Variants in FARS2 observed in about 807,000 individuals in gnomAD.
FARS2 encodes phenylalanyl-tRNA synthetase 2, mitochondrial.
Under a neutral mutation model 46.4 loss-of-function variants are expected in FARS2, and 40 were observed. The ratio of observed to expected loss-of-function variants is 0.86; its 90% confidence interval spans 0.67 to 1.12. The LOEUF (loss-of-function observed/expected upper bound fraction) is 1.12, where lower values mean the gene tolerates loss of function less well. Ranked by LOEUF, FARS2 falls within the 50% of genes most tolerant of loss-of-function variation. FARS2 has a pLI of 0.00. For missense variants in FARS2, 513 were observed against 567.9 expected (o/e 0.90, Z 0.98); for synonymous variants, 234 against 214.9 (o/e 1.09, Z -0.78).
chr6:5,386,622 A>G (rs1204094536), intron 2 of FARS2, among the ~76,000 whole-genome samples: 3 of 152,192 alleles, frequency 2.0e-5, no homozygotes, highest in East Asian at 3.8e-4. Flanking sequence ...AAGGATGTAA[A>G]AGAGGTGGAA....
intron 2 of FARS2, among the ~76,000 whole-genome samples, chr6:5,381,404 C>T (rs112112512): frequency 1.6e-3 from 129 of 81,938 alleles, no homozygotes; most frequent in African/African-American, 6.8e-3. Context: ...CACACACACA[C>T]ATACACACAC....
intron 4 of FARS2, among the ~76,000 whole-genome samples, chr6:5,467,753 AGTAAAATAAAT>A (rs1369600613): frequency 2.6e-5 from 4 of 152,200 alleles, no homozygotes; most frequent in Non-Finnish European, 4.4e-5. Context: ...GTTTCCTATC[AGTAAAATAAAT>A]GTGGTCAGAC....
chr6:5,737,659 G>A (rs1054727415), intron 6 of FARS2, among the ~76,000 whole-genome samples: 1 of 152,214 alleles, frequency 6.6e-6, no homozygotes, highest in African/African-American at 2.4e-5. Context: ...CAGCCTAGAG[G>A]TGGTCATGTG....
intron 5 of FARS2, among the ~76,000 whole-genome samples, chr6:5,595,170 TTTC>T (rs1774127965): frequency 6.6e-6 from 1 of 152,214 alleles, no homozygotes; most frequent in Admixed American, 6.5e-5. Flanking sequence ...CCCTGCACTT[TTTC>T]TTCTTGTTTC....
intron 3 of FARS2, among the ~76,000 whole-genome samples, chr6:5,410,550 T>C (rs1040137247): frequency 2.0e-5 from 3 of 152,152 alleles, no homozygotes; most frequent in Non-Finnish European, 4.4e-5. Context: ...TTAAGTAATT[T>C]TGCTAGCTTC....
chr6:5,368,519 G>T lies in FARS2; in HGVS notation c.-21-31G>T. The T allele has an allele frequency of 1.9e-6, 3 of 1,553,106 alleles. 1 individual carries two copies. Among genetic ancestry groups the T allele is most frequent in the East Asian group, 4.5e-5 (2 of 44,318 alleles). ...ACTTGCTTTCCACAGAGTGACACCTGACTTGTGCTTTGCCTGTGTGCTCTT... is the reference window on the plus strand; with the variant it reads ...ACTTGCTTTCCACAGAGTGACACCTTACTTGTGCTTTGCCTGTGTGCTCTT... On this transcript the variant is annotated intron_variant, in intron 1 of 6. Transcript: ENST00000274680.
At chr6:5,342,271 A>G (rs1771709616) in intron 1 of FARS2, among the ~76,000 whole-genome samples, 1 of 152,250 alleles carries the variant, frequency 6.6e-6, no homozygotes, top group South Asian at 2.1e-4. Flanking sequence ...ACTTCATTAC[A>G]GTCAAGCACA....
chr6:5,749,226 A>G (rs1343924237), intron 6 of FARS2, among the ~76,000 whole-genome samples: 1 of 152,228 alleles, frequency 6.6e-6, no homozygotes, highest in Non-Finnish European at 1.5e-5. Context: ...GAACACGCCA[A>G]AGGGCTGTGG....
At chr6:5,432,226 G>T (rs1219152813) in intron 4 of FARS2, among the ~76,000 whole-genome samples, 1 of 145,786 alleles carries the variant, frequency 6.9e-6, no homozygotes, top group Non-Finnish European at 1.5e-5. Flanking sequence ...TGAGGCAGGA[G>T]AATCACTTGA....
chr6:5,266,724 A>T (rs1214283348), intron 1 of FARS2, among the ~76,000 whole-genome samples: 1 of 152,178 alleles, frequency 6.6e-6, no homozygotes, highest in Admixed American at 6.5e-5. Context: ...ATTTTAATTT[A>T]GTTGGATTCT....
chr6:5,638,579 A>T (rs1005025709), intron 6 of FARS2, among the ~76,000 whole-genome samples: 2 of 152,170 alleles, frequency 1.3e-5, no homozygotes, highest in Non-Finnish European at 2.9e-5. Context: ...AACAAAAAAG[A>T]AAAAACAAAA....
chr6:5,737,765 C>T (rs74386850), intron 6 of FARS2, among the ~76,000 whole-genome samples: 2 of 100,396 alleles, frequency 2.0e-5, no homozygotes, highest in African/African-American at 8.6e-5. Flanking sequence ...TTACCATGTA[C>T]CCTTCTTCCG....
chr6:5,422,108 G>A (rs1317912089), intron 3 of FARS2, among the ~76,000 whole-genome samples: 1 of 152,176 alleles, frequency 6.6e-6, no homozygotes, highest in Non-Finnish European at 1.5e-5. Context: ...GGCAGAAGGT[G>A]AAAGGCCCAT....
chr6:5,405,847 G>A (rs955871523), intron 3 of FARS2, among the ~76,000 whole-genome samples: 3 of 152,012 alleles, frequency 2.0e-5, no homozygotes, highest in Non-Finnish European at 2.9e-5. Flanking sequence ...TTTACGTATT[G>A]CCATACTGAT....
intron 2 of FARS2, among the ~76,000 whole-genome samples, chr6:5,399,415 A>C (rs1418606518): frequency 6.6e-6 from 1 of 152,014 alleles, no homozygotes; most frequent in South Asian, 2.1e-4. Flanking sequence ...ACCTCAAGTG[A>C]TCCTCCTGCC....
At chr6:5,318,901 C>G (rs971953022) in intron 1 of FARS2, among the ~76,000 whole-genome samples, 1 of 152,080 alleles carries the variant, frequency 6.6e-6, no homozygotes, top group African/African-American at 2.4e-5. Context: ...GGAAGTAGCC[C>G]CTGATATCCA....
At chr6:5,411,281 T>TAAAAC (rs146746037) in intron 3 of FARS2, among the ~76,000 whole-genome samples, 12,083 of 151,862 alleles carry the variant, frequency 0.08, 546 homozygotes, top group African/African-American at 0.11. Flanking sequence ...CCTGTCTCTT[T>TAAAAC]AAAACAAAAC....
chr6:5,568,141 T>C (rs1176588903), intron 5 of FARS2, among the ~76,000 whole-genome samples: 1 of 152,184 alleles, frequency 6.6e-6, no homozygotes, highest in Non-Finnish European at 1.5e-5. Context: ...CCCCTTTCTG[T>C]CTGTGTCTCT....
chr6:5,494,832 A>G (rs1390262370), intron 4 of FARS2, among the ~76,000 whole-genome samples: 1 of 152,204 alleles, frequency 6.6e-6, no homozygotes, highest in Non-Finnish European at 1.5e-5. Context: ...AGCTAGTTCA[A>G]GGTGTCCTAA....
Sources: allele counts gnomAD v4.1 joint callset (sites outside exome capture counted in the v4.1 genomes callset), GRCh38; gene constraint gnomAD v4.1.1; transcripts MANE v1.5; gene names NCBI Gene and HGNC (gene_info 2026-07-23, HGNC 2026-07-21).